The following MYL4 variants were observed in gnomAD, a reference collection of about 807,000 sequenced individuals.
The protein encoded by MYL4 is atrial myosin light chain 1.
A neutral mutation model predicts 21.6 loss-of-function variants in MYL4; 16 were observed. That is an observed-to-expected ratio of 0.74 (90% CI 0.50 to 1.12). The LOEUF (loss-of-function observed/expected upper bound fraction) is 1.12, where lower values mean the gene tolerates loss of function less well. MYL4 is among the 50% of genes most tolerant of loss of function. MYL4 has a pLI of 0.00. For synonymous variants in MYL4, 82 were observed against 95.7 expected, an observed-to-expected ratio of 0.86 and a Z score of 0.83; for missense variants, 249 against 252.9, an observed-to-expected ratio of 0.98 and a Z score of 0.11.
chr17:47,207,014 G>C (rs2064730660), upstream of MYL4, among the ~76,000 whole-genome samples: 1 of 152,106 alleles, frequency 6.6e-6, no homozygotes, highest in Admixed American at 6.6e-5. Flanking sequence ...GGACTGACAG[G>C]GATTATAGAA....
chr17:47,203,001 G>A (rs1470701619), intron 1 of MYL4, among the ~76,000 whole-genome samples: 1 of 152,198 alleles, frequency 6.6e-6, no homozygotes, highest in Admixed American at 6.5e-5. Context: ...GCCCAGGCTG[G>A]AGTGCAGTGG....
chr17:47,218,451 G>T (rs1415846565), intron 2 of MYL4, among the ~76,000 whole-genome samples: 1 of 152,082 alleles, frequency 6.6e-6, no homozygotes, highest in Non-Finnish European at 1.5e-5. Context: ...GCCCCTCCCA[G>T]GCCAAATTAC....
At chr17:47,218,194 A>G (rs1001057799) in intron 2 of MYL4, among the ~76,000 whole-genome samples, 4 of 152,202 alleles carry the variant, frequency 2.6e-5, no homozygotes, top group African/African-American at 9.7e-5. Flanking sequence ...TGTGAAAGAA[A>G]TGTGGTTTTA....
upstream of MYL4, chr17:47,209,126 T>C (rs982401658): frequency 1.2e-5 from 6 of 512,068 alleles, no homozygotes. Flanking sequence ...TTTCCACCAA[T>C]TGGCAAGAAG....
chr17:47,205,747 G>A (rs570319260), upstream of MYL4, among the ~76,000 whole-genome samples: 126 of 152,302 alleles, frequency 8.3e-4, 3 homozygotes, highest in Non-Finnish European at 1.8e-4. Flanking sequence ...AGTGTTCTCC[G>A]TCAGACAGGC....
chr17:47,214,974 G>C (rs754185477), intron 2 of MYL4, among the ~76,000 whole-genome samples: 8 of 152,184 alleles, frequency 5.3e-5, no homozygotes, highest in Non-Finnish European at 1.2e-4. Flanking sequence ...TAGGCTTTCA[G>C]ATTGTTTCCG....
upstream of MYL4, among the ~76,000 whole-genome samples, chr17:47,196,910 TATA>T (rs1412559433): frequency 2.0e-5 from 3 of 152,078 alleles, no homozygotes; most frequent in Non-Finnish European, 4.4e-5. Flanking sequence ...GCTAAAATAT[TATA>T]ATATTTCGCT....
intron 1 of MYL4, among the ~76,000 whole-genome samples, chr17:47,210,224 AACC>A: frequency 6.6e-6 from 1 of 152,248 alleles, no homozygotes; most frequent in East Asian, 1.9e-4. Flanking sequence ...CCCTCTCTCC[AACC>A]GGGTCAGGAA....
chr17:47,194,152 T>C, the MYL4 span, among the ~76,000 whole-genome samples: 2 of 152,238 alleles, frequency 1.3e-5, no homozygotes, highest in Non-Finnish European at 2.9e-5. Context: ...AATGACTAAC[T>C]GCCAAGAGGA....
chr17:47,198,809 C>T (rs190624564), upstream of MYL4, among the ~76,000 whole-genome samples: 4 of 151,938 alleles, frequency 2.6e-5, no homozygotes, highest in East Asian at 5.8e-4. Context: ...AAGAGAGACC[C>T]TCATTTCTAC....
rs140603047 is a variant in MYL4, at chr17:47,213,799, A to G, written c.136A>G (p.Ile46Val). 5.2e-5 allele frequency: 84 copies of G among 1,613,958 alleles called. No individual in the cohort carries two copies. Among genetic ancestry groups the G allele is most frequent in the Non-Finnish European group, 6.4e-5 (75 of 1,179,996 alleles). Reference protein sequence around the residue: ...EPAFDPKSVKIDFTADQIEEF... With the variant: ...EPAFDPKSVKVDFTADQIEEF... ...CTCACTACTATTTCCCTCCCTACAG[A>G]TAGACTTCACTGCCGACCAGATTGA... Residue 46 changes from isoleucine (I) to valine (V), a missense_variant and splice_region_variant, in exon 2 of 7, where the codon ATA becomes GTA. Transcript: ENST00000393450.
chr17:47,227,405 C>A (rs1033405781), downstream of MYL4, among the ~76,000 whole-genome samples: 3 of 152,206 alleles, frequency 2.0e-5, no homozygotes, highest in Non-Finnish European at 4.4e-5. Flanking sequence ...TCCACTATTT[C>A]GAACCCAGAT....
downstream of MYL4, among the ~76,000 whole-genome samples, chr17:47,225,851 C>A (rs576176460): frequency 2.8e-3 from 378 of 133,984 alleles, 5 homozygotes; most frequent in African/African-American, 9.7e-3. Flanking sequence ...TTCCTCCTTC[C>A]CTTCTTTTTT....
chr17:47,194,105 A>G, the MYL4 span, among the ~76,000 whole-genome samples: 1 of 152,214 alleles, frequency 6.6e-6, no homozygotes. Flanking sequence ...AAAAATTTGT[A>G]TCTCCAGCCA....
At chr17:47,217,862 C>T (rs145640927) in intron 2 of MYL4, among the ~76,000 whole-genome samples, 2,363 of 152,020 alleles carry the variant, frequency 0.016, 56 homozygotes, top group African/African-American at 0.054. Flanking sequence ...GGAGAAACCC[C>T]GTCTCTACTA....
chr17:47,208,367 G>A (rs562204145), upstream of MYL4, among the ~76,000 whole-genome samples: 72 of 152,336 alleles, frequency 4.7e-4, no homozygotes, highest in Non-Finnish European at 9.7e-4. Context: ...CAGGAAAGAC[G>A]AGGCTGCAGT....
At chr17:47,208,226 G>A (rs1352489652), upstream of MYL4, among the ~76,000 whole-genome samples, 1 of 152,052 alleles carries the variant, frequency 6.6e-6, no homozygotes, top group African/African-American at 2.4e-5. Flanking sequence ...ACCAACCTGG[G>A]CAATTTAGCA....
At chr17:47,190,832 C>T in the MYL4 span, among the ~76,000 whole-genome samples, 3 of 152,116 alleles carry the variant, frequency 2.0e-5, no homozygotes, top group Admixed American at 2.0e-4. Context: ...AGCCACATTC[C>T]AAGGATTCAG....
intron 2 of MYL4, among the ~76,000 whole-genome samples, chr17:47,217,063 A>G (rs528041731): frequency 1.3e-5 from 2 of 152,338 alleles, no homozygotes; most frequent in East Asian, 3.9e-4. Flanking sequence ...TGAATGAACT[A>G]GGAGATCAAA....
Sources: gnomAD v4.1 joint callset for allele counts (sites outside exome capture counted in the v4.1 genomes callset) on GRCh38, gnomAD v4.1.1 for gene constraint, MANE v1.5 for transcripts, NCBI Gene and HGNC (gene_info 2026-07-23, HGNC 2026-07-21) for gene names.